The following TLE4 variants were observed in gnomAD, a reference collection of about 807,000 sequenced individuals.
TLE4 encodes transducin-like enhancer protein 4.
In TLE4, 8 loss-of-function variants were observed where a neutral mutation model predicts 92.8. The observed-to-expected ratio is 0.09, with a 90% CI of 0.05 to 0.16. The LOEUF (loss-of-function observed/expected upper bound fraction) is 0.16, where lower values mean the gene tolerates loss of function less well. Ranked by LOEUF, TLE4 falls within the 10% of genes least tolerant of loss-of-function variation. TLE4 has a pLI of 1.00. For missense variants in TLE4, 675 were observed against 997.6 expected (o/e 0.68, Z 4.36); for synonymous variants, 371 against 374.1 (o/e 0.99, Z 0.10).
chr9:79,713,748 C>T (rs1012621717), intron 14 of TLE4, among the ~76,000 whole-genome samples: 1 of 152,208 alleles, frequency 6.6e-6, no homozygotes, highest in African/African-American at 2.4e-5. Context: ...TTTAGTCCTA[C>T]AGGATTTTAT....
intron 4 of TLE4, among the ~76,000 whole-genome samples, chr9:79,591,015 A>G (rs535249412): frequency 2.0e-5 from 3 of 152,172 alleles, no homozygotes; most frequent in African/African-American, 7.2e-5. Context: ...AGGGAATGCA[A>G]AGGCTCTTAT....
rs753815369 is a variant in TLE4, at chr9:79,652,896, T to C, written c.592+102T>C. 20 of 1,232,670 alleles carry C rather than the reference T, an allele frequency of 1.6e-5. No homozygotes were observed. In the African/African-American group the frequency reaches 2.7e-4, roughly 16 times the overall value. 76.4% of individuals were successfully genotyped at this position (1,232,670 alleles called of 1,614,324 possible). On this transcript the variant is annotated intron_variant, in intron 7 of 19. Transcript: ENST00000376552. ...TTCTCTCTGAATTTAGTTTTACCAG[T>C]GACTAAACAAAGGATTTCCACTGGA...
intron 1 of TLE4, 142 bp from the exon 2 acceptor site, chr9:79,573,547 T>C: frequency 1.2e-6 from 1 of 829,092 alleles, no homozygotes; most frequent in Non-Finnish European, 1.7e-6. Flanking sequence ...GCGAGGAGGG[T>C]TGCGGGAGGA....
intron 8 of TLE4, among the ~76,000 whole-genome samples, chr9:79,684,228 C>A (rs897160258): frequency 3.3e-5 from 5 of 152,102 alleles, no homozygotes; most frequent in Non-Finnish European, 7.4e-5. Flanking sequence ...GCGGTGGAAG[C>A]TTTTCTCTCT....
chr9:79,676,755 G>C (rs1472611044), intron 8 of TLE4, among the ~76,000 whole-genome samples: 1 of 151,998 alleles, frequency 6.6e-6, no homozygotes, highest in Non-Finnish European at 1.5e-5. Context: ...AACCACTTAG[G>C]TTCTTCTGAT....
chr9:79,678,042 A>G (rs1293143217), intron 8 of TLE4, among the ~76,000 whole-genome samples: 1 of 152,132 alleles, frequency 6.6e-6, no homozygotes, highest in Non-Finnish European at 1.5e-5. Flanking sequence ...TTGCTAAACA[A>G]ATTCAGTACG....
intron 5 of TLE4, among the ~76,000 whole-genome samples, chr9:79,618,135 C>G (rs1397360155): frequency 6.6e-6 from 1 of 152,176 alleles, no homozygotes; most frequent in Non-Finnish European, 1.5e-5. Context: ...ATTATGCCCC[C>G]CTAAAACTTA....
intron 8 of TLE4, among the ~76,000 whole-genome samples, chr9:79,700,859 C>T (rs890702663): frequency 1.3e-5 from 2 of 152,154 alleles, no homozygotes; most frequent in African/African-American, 2.4e-5. Flanking sequence ...CACATACACA[C>T]ACACACGCAC....
intron 8 of TLE4, among the ~76,000 whole-genome samples, chr9:79,669,771 G>A (rs1351709919): frequency 6.6e-6 from 1 of 152,164 alleles, no homozygotes; most frequent in African/African-American, 2.4e-5. Flanking sequence ...AATTTACTGA[G>A]TTTGTTAAAA....
At position 79,715,324 on chromosome 9, in the gene TLE4, A is replaced by G. The variant is rs1387454138; in HGVS notation, c.1341-3398A>G. 5.3e-5 allele frequency among the ~76,000 whole-genome samples: 8 copies of G among 152,168 alleles called. 1 individual carries two copies. The highest frequency in any genetic ancestry group is 3.3e-4 in the Admixed American group (5 of 15,276). ...TCTCTTCCTTTAAGATTTAGTCTTC[A>G]TGACCTCCTAATTGCTAAATCAATT... On this transcript the variant is annotated intron_variant, in intron 14 of 19. Coordinates refer to ENST00000376552, the MANE Select transcript of TLE4 (RefSeq NM_007005.6).
chr9:79,602,082 T>A (rs957491603), intron 4 of TLE4, among the ~76,000 whole-genome samples: 2 of 152,186 alleles, frequency 1.3e-5, no homozygotes, highest in African/African-American at 4.8e-5. Flanking sequence ...CTCACTCTCT[T>A]CAATTCTATG....
At chr9:79,656,601 CTG>C (rs2059814676) in intron 8 of TLE4, among the ~76,000 whole-genome samples, 1 of 152,118 alleles carries the variant, frequency 6.6e-6, no homozygotes, top group Non-Finnish European at 1.5e-5. Flanking sequence ...TCGGAATCTG[CTG>C]GTAGTAATTA....
rs569117113 is a variant in TLE4, at chr9:79,579,252, T to G, written c.252+3075T>G. ...AATACAGTGTGGCTTCTAAATGGGT[T>G]GGTGGCTTCTAAATGGCACAGTGGG... is the stretch of plus-strand genomic sequence containing the variant. On this transcript the variant is annotated intron_variant, in intron 4 of 19. Coordinates refer to ENST00000376552, the MANE Select transcript of TLE4 (RefSeq NM_007005.6). Among the ~76,000 whole-genome samples the G allele has an allele frequency of 3.3e-5, 5 of 152,332 alleles. No homozygotes were observed. The East Asian group carries it at 9.6e-4, about 29-fold the overall frequency.
At chr9:79,709,911 A>G (rs1286314338) in intron 14 of TLE4, among the ~76,000 whole-genome samples, 3 of 152,238 alleles carry the variant, frequency 2.0e-5, no homozygotes, top group African/African-American at 7.2e-5. Context: ...TAATATGTAA[A>G]TGCAAATTGC....
At chr9:79,575,272 A>G (rs904655750) in intron 3 of TLE4, among the ~76,000 whole-genome samples, 1 of 152,128 alleles carries the variant, frequency 6.6e-6, no homozygotes, top group South Asian at 2.1e-4. Context: ...TTGTTGTTTT[A>G]TTGCTCTTGC....
In TLE4 at chr9:79,700,110, C is replaced by T. The variant is rs567757899; in HGVS notation, c.610-4673C>T. On this transcript the variant is annotated intron_variant, in intron 8 of 19. Coordinates refer to ENST00000376552, the MANE Select transcript of TLE4 (RefSeq NM_007005.6). ...GGGCTAGGCTATGTGCCTGGGACTG[C>T]GCGTTGTACTTTATGTGGATTATTT... 1.1e-4 allele frequency among the ~76,000 whole-genome samples: 16 copies of T among 152,282 alleles called. No individual in the cohort carries two copies. In the South Asian group the frequency reaches 2.1e-3, roughly 20 times the overall value.
At position 79,726,342 on chromosome 9, in the gene TLE4, T is replaced by C. The variant is rs2076374316; in HGVS notation, c.*1198T>C. ...ATATGTGACTTCTTTTTTTATTATT[T>C]TTTGTTTGAATGCTTTAAAAATCTT... On this transcript the variant is annotated 3_prime_UTR_variant, in exon 20 of 20. Coordinates refer to ENST00000376552, the MANE Select transcript of TLE4 (RefSeq NM_007005.6). 6.5e-6 allele frequency: 1 copy of C among 152,684 alleles called. No individual in the cohort carries two copies. Among genetic ancestry groups the C allele is most frequent in the Non-Finnish European group, 1.5e-5 (1 of 68,046 alleles). 9.5% of individuals were successfully genotyped at this position (152,684 alleles called of 1,614,324 possible). A position where few individuals can be genotyped will look rare whatever the true frequency, so the allele number is the denominator to read the frequency against.
At position 79,719,115 on chromosome 9, in the gene TLE4, G is replaced by A. The variant is rs565081575; in HGVS notation, c.1590+144G>A. On this transcript the variant is annotated intron_variant, in intron 15 of 19. Transcript: ENST00000376552. ...TTCAGGGGACTGCGATCTTTCACTT[G>A]GAGGTGTGTCTTTTGCTTCCTAGAC... 2.8e-5 allele frequency: 35 copies of A among 1,270,972 alleles called. No individual in the cohort carries two copies. The South Asian group carries it at 5.7e-4, about 21-fold the overall frequency. 78.7% of individuals were successfully genotyped at this position (1,270,972 alleles called of 1,614,324 possible).
At chr9:79,702,597 C>G (rs2135825344) in intron 8 of TLE4, among the ~76,000 whole-genome samples, 1 of 152,304 alleles carries the variant, frequency 6.6e-6, no homozygotes, top group South Asian at 2.1e-4. Flanking sequence ...TGTTTTGTGT[C>G]AATCTTCAGC....
Sources: allele counts gnomAD v4.1 joint callset (sites outside exome capture counted in the v4.1 genomes callset), GRCh38; gene constraint gnomAD v4.1.1; transcripts MANE v1.5; gene names NCBI Gene and HGNC (gene_info 2026-07-23, HGNC 2026-07-21).